Variants in TCERG1L observed in about 807,000 individuals in gnomAD.
TCERG1L encodes the protein transcription elongation regulator 1 like.
TCERG1L carries 37 observed loss-of-function variants against 56.3 expected under a neutral mutation model. That is an observed-to-expected ratio of 0.66 (90% CI 0.51 to 0.87). TCERG1L has a LOEUF of 0.87. Among genes scored for constraint, TCERG1L ranks in the 40% least tolerant of loss-of-function variants. The pLI, the probability that TCERG1L is intolerant of heterozygous loss-of-function variation, is 0.00. For synonymous variants in TCERG1L, 324 were observed against 326.3 expected (o/e 0.99, Z 0.08); for missense variants, 799 against 774.2 (o/e 1.03, Z -0.38).
At chr10:131,273,615 G>A (rs560939429) in intron 3 of TCERG1L, among the ~76,000 whole-genome samples, 1 of 152,334 alleles carries the variant, frequency 6.6e-6, no homozygotes, top group South Asian at 2.1e-4. Flanking sequence ...GGCTGACCGA[G>A]GCTCCCTCAT....
intron 10 of TCERG1L, among the ~76,000 whole-genome samples, chr10:131,101,352 G>A (rs182423285): frequency 2.6e-3 from 390 of 152,354 alleles, no homozygotes; most frequent in Non-Finnish European, 4.3e-3. Flanking sequence ...GCATGTAAAC[G>A]AGAATATTTG....
At chr10:131,275,693 A>G (rs1846385465) in intron 3 of TCERG1L, among the ~76,000 whole-genome samples, 1 of 152,148 alleles carries the variant, frequency 6.6e-6, no homozygotes, top group African/African-American at 2.4e-5. Context: ...CGTAACCAAC[A>G]CCCATCTATA....
At chr10:131,270,298 C>T (rs187937030) in intron 3 of TCERG1L, among the ~76,000 whole-genome samples, 313 of 152,328 alleles carry the variant, frequency 2.1e-3, no homozygotes, top group African/African-American at 7.1e-3. Flanking sequence ...CCCTCGGAGA[C>T]GCCTCCTGAG....
chr10:131,213,953 C>T (rs1363484274), intron 4 of TCERG1L, among the ~76,000 whole-genome samples: 2 of 152,240 alleles, frequency 1.3e-5, no homozygotes, highest in Non-Finnish European at 2.9e-5. Flanking sequence ...CCGGCAGTTC[C>T]AGTGGCTGTG....
At chr10:131,309,364 A>T (rs1408992287) in intron 1 of TCERG1L, 65 bp from the exon 2 acceptor site, 3 of 1,537,752 alleles carry the variant, frequency 2.0e-6, no homozygotes, top group Admixed American at 4.8e-5. Context: ...TTCATGCCAA[A>T]ACATGCTGGA....
intron 4 of TCERG1L, among the ~76,000 whole-genome samples, chr10:131,244,654 C>T (rs1055812716): frequency 8.5e-5 from 13 of 152,052 alleles, no homozygotes; most frequent in African/African-American, 2.7e-4. Context: ...CCCAGGGTGC[C>T]GTGGAACTCC....
chr10:131,283,959 C>T (rs1311106836), intron 3 of TCERG1L, among the ~76,000 whole-genome samples: 1 of 151,984 alleles, frequency 6.6e-6, no homozygotes, highest in African/African-American at 2.4e-5. Flanking sequence ...CCTGTCTCTA[C>T]TAAAAATTCA....
At chr10:131,295,057 A>G (rs1846675886) in intron 3 of TCERG1L, among the ~76,000 whole-genome samples, 1 of 152,080 alleles carries the variant, frequency 6.6e-6, no homozygotes, top group South Asian at 2.1e-4. Context: ...TTTGCCTAGA[A>G]TGTCACAAAA....
chr10:131,155,030 C>G (rs1845904793), intron 6 of TCERG1L, among the ~76,000 whole-genome samples: 1 of 152,220 alleles, frequency 6.6e-6, no homozygotes, highest in South Asian at 2.1e-4. Flanking sequence ...GGGACACAAC[C>G]TTGGCCTCCC....
intron 4 of TCERG1L, among the ~76,000 whole-genome samples, chr10:131,203,774 C>T (rs1288415162): frequency 6.6e-6 from 1 of 152,204 alleles, no homozygotes; most frequent in African/African-American, 2.4e-5. Context: ...GCCCTGGGGG[C>T]AGCCTGGGAA....
At chr10:131,142,456 C>G (rs1197915236) in intron 7 of TCERG1L, among the ~76,000 whole-genome samples, 4 of 152,244 alleles carry the variant, frequency 2.6e-5, no homozygotes, top group African/African-American at 9.6e-5. Flanking sequence ...AATTTTACAT[C>G]CTACTTGGTG....
chr10:131,139,381 TCATCATGCATCCAG>T (rs1329113207), intron 7 of TCERG1L, among the ~76,000 whole-genome samples: 3 of 152,090 alleles, frequency 2.0e-5, no homozygotes, highest in African/African-American at 7.2e-5. Flanking sequence ...TCTGAGGAAG[TCATCATGCATCCAG>T]ACAGGGCAAG....
Position 131,311,403 on chromosome 10 carries a change from G to A in TCERG1L, c.233C>T (p.Pro78Leu), listed in dbSNP as rs891332637. 1 of 1,183,824 alleles carries A rather than the reference G, an allele frequency of 8.4e-7. No individual in the cohort carries two copies. The highest frequency in any genetic ancestry group is 1.0e-6 in the Non-Finnish European group (1 of 958,348). 73.3% of individuals were successfully genotyped at this position (1,183,824 alleles called of 1,614,324 possible). A position where few individuals can be genotyped will look rare whatever the true frequency, so the allele number is the denominator to read the frequency against. The change falls in exon 1 of 12, where the codon CCC becomes CTC. Residue 78 changes from proline (P) to leucine (L), a missense_variant. Physicochemically the swap from Pro to Leu is moderately conservative, Grantham distance 98. Coordinates refer to ENST00000368642, the MANE Select transcript of TCERG1L (RefSeq NM_174937.4). This position sits in a 1 kb window ranked among gnomAD's most constrained non-coding sequence, Gnocchi z 4.0. Reference protein sequence around the residue: ...PPAAPLLPGLPGWPAPSEPVL... With the variant: ...PPAAPLLPGLLGWPAPSEPVL... ...CGGCTCGCTCGGGGCCGGCCAGCCG[G>A]GGAGACCGGGGAGCAGCGGGGCCGC...
rs539485324 is a variant in TCERG1L, at chr10:131,176,047, G to A, written c.857-9162C>T. ...GCGAAAAATACAGCTGCCGACAGAC[G>A]GAGAGCTTCAGTCTGTCGCTTCGTC... is the stretch of plus-strand genomic sequence containing the variant. On this transcript the variant is annotated intron_variant, in intron 4 of 11. Transcript: ENST00000368642. Among the ~76,000 whole-genome samples, 130 of 152,298 alleles carry A rather than the reference G, an allele frequency of 8.5e-4. 1 individual carries two copies. Among genetic ancestry groups the A allele is most frequent in the African/African-American group, 3.0e-3 (126 of 41,556 alleles).
chr10:131,101,261 G>A lies in TCERG1L; in HGVS notation c.1486-2837C>T, dbSNP rs1845301704. 2.6e-5 allele frequency among the ~76,000 whole-genome samples: 4 copies of A among 152,344 alleles called. No homozygotes were observed. The South Asian group carries it at 8.3e-4, about 32-fold the overall frequency. ...GTCCCCCAGACATCAGGGGACCAGC[G>A]CTGCCCTGCCCATGAACCACGTCCA... On this transcript the variant is annotated intron_variant, in intron 10 of 11. Transcript: ENST00000368642.
At chr10:131,238,995 C>T (rs1156706735) in intron 4 of TCERG1L, among the ~76,000 whole-genome samples, 3 of 152,118 alleles carry the variant, frequency 2.0e-5, no homozygotes, top group Non-Finnish European at 4.4e-5. Flanking sequence ...TGGACTTAAA[C>T]TCCGAGAACA....
At chr10:131,161,659 G>A (rs1208475076) in intron 6 of TCERG1L, 1 of 152,028 alleles carries the variant, frequency 6.6e-6, no homozygotes, top group East Asian at 1.9e-4. Context: ...CTTCAGGGAG[G>A]GTGCTGGTCT....
At chr10:131,210,200 CTGT>C (rs1264778972) in intron 4 of TCERG1L, among the ~76,000 whole-genome samples, 1 of 152,204 alleles carries the variant, frequency 6.6e-6, no homozygotes, top group South Asian at 2.1e-4. Flanking sequence ...ATAATGGGAG[CTGT>C]TGTTGTGCCC....
In TCERG1L at chr10:131,150,252, A is replaced by G. The variant is rs993199726; in HGVS notation, c.1035-3592T>C. ...GGAGGCCATCTGGCCCCCAGCCTCCAACGGCCTCACCCAGAGGTGGGGGGA... is the reference window on the plus strand; with the variant it reads ...GGAGGCCATCTGGCCCCCAGCCTCCGACGGCCTCACCCAGAGGTGGGGGGA... On this transcript the variant is annotated intron_variant, in intron 6 of 11. Transcript: ENST00000368642. Among the ~76,000 whole-genome samples the G allele has an allele frequency of 5.4e-4, 5 of 9,340 alleles. No individual in the cohort carries two copies. The Admixed American group carries it at 9.3e-3, about 17-fold the overall frequency. The allele number at this position is 9,340 out of a possible 152,430, so 6.1% of individuals were successfully genotyped here.
Sources: gnomAD v4.1 joint callset for allele counts (sites outside exome capture counted in the v4.1 genomes callset) on GRCh38, gnomAD v4.1.1 for gene constraint, Gnocchi (gnomAD v3.1) non-coding constraint, MANE v1.5 for transcripts, NCBI Gene and HGNC (gene_info 2026-07-23, HGNC 2026-07-21) for gene names.